Variants in BCL2L11 observed in about 807,000 individuals in gnomAD.
BCL2L11 encodes the protein bcl-2-like protein 11.
A neutral mutation model predicts 20.6 loss-of-function variants in BCL2L11; 15 were observed. The observed-to-expected ratio is 0.73, with a 90% CI of 0.49 to 1.12. BCL2L11 has a LOEUF of 1.12. Ranked by LOEUF, BCL2L11 falls within the 50% of genes most tolerant of loss-of-function variation. The probability of loss-of-function intolerance (pLI) is 0.00; values close to 1 mark genes in which losing one functional copy is unlikely to be tolerated. For synonymous variants in BCL2L11, 108 were observed against 92.8 expected (o/e 1.16, Z -0.94); for missense variants, 292 against 260.9 (o/e 1.12, Z -0.82).
intron 3 of BCL2L11, among the ~76,000 whole-genome samples, chr2:111,160,520 G>A (rs996342904): frequency 6.6e-6 from 1 of 152,168 alleles, no homozygotes; most frequent in Admixed American, 6.5e-5. Context: ...GAATGTTGAA[G>A]GAGTCATCTT....
At position 111,123,791 on chromosome 2, in the gene BCL2L11, G is replaced by A. The variant is rs1014619723; in HGVS notation, c.46G>A (p.Gly16Ser). ...SDVSSECDRE[G>S]RQLQPAERPP... ...TGTAAGTTCTGAGTGTGACCGAGAA[G>A]GTAGACAATTGCAGCCTGCGGAGAG... is the stretch of plus-strand genomic sequence containing the variant. Residue 16 changes from glycine to serine, a missense_variant, in exon 2 of 4, where the codon GGT (glycine) becomes AGT (serine). Physicochemically the swap from Gly to Ser is moderately conservative, Grantham distance 56. Transcript: ENST00000393256. 1.4e-6 allele frequency: 2 copies of A among 1,457,770 alleles called. No homozygotes were observed. The highest frequency in any genetic ancestry group is 2.5e-5 in the Admixed American group (1 of 39,624). The allele number at this position is 1,457,770 out of a possible 1,614,324, so 90.3% of individuals were successfully genotyped here. A position where few individuals can be genotyped will look rare whatever the true frequency, so the allele number is the denominator to read the frequency against.
intron 3 of BCL2L11, among the ~76,000 whole-genome samples, chr2:111,158,300 G>A (rs901341633): frequency 2.6e-5 from 4 of 152,088 alleles, no homozygotes; most frequent in Non-Finnish European, 1.5e-5. Flanking sequence ...CAGAATCAGG[G>A]GGGTGACTCC....
chr2:111,122,747 G>A (rs1317766728), intron 1 of BCL2L11: 62 of 985,134 alleles, frequency 6.3e-5, no homozygotes, highest in Non-Finnish European at 7.0e-5. Context: ...GCGGGCTGGC[G>A]GGAAGGCGCG....
intron 2 of BCL2L11, among the ~76,000 whole-genome samples, chr2:111,147,346 T>TCTCTCTCACA (rs760779894): frequency 1.4e-3 from 193 of 137,406 alleles, no homozygotes; most frequent in African/African-American, 3.7e-3. Context: ...TCTCTCTCTC[T>TCTCTCTCACA]CACACACACA....
chr2:111,134,343 TC>T lies in BCL2L11; in HGVS notation c.394+10206del, dbSNP rs1177332572. Among the ~76,000 whole-genome samples the T allele has an allele frequency of 1.3e-5, 2 of 152,316 alleles. 1 individual carries two copies. Among genetic ancestry groups the T allele is most frequent in the East Asian group, 3.9e-4 (2 of 5,182 alleles). On this transcript the variant is annotated intron_variant, in intron 2 of 3. Coordinates refer to ENST00000393256, the MANE Select transcript of BCL2L11 (RefSeq NM_138621.5). ...TCTGTATCATTTTCTTAGTGGTTGT[TC>T]CAGGTATTACAGTATGTGTGTGAAA...
intron 2 of BCL2L11, among the ~76,000 whole-genome samples, chr2:111,133,064 C>T (rs1225491662): frequency 6.6e-6 from 1 of 152,112 alleles, no homozygotes. Context: ...AAAACAGATT[C>T]TTAACTGAAC....
chr2:111,162,157 G>T (rs903719630), intron 3 of BCL2L11, among the ~76,000 whole-genome samples: 14 of 152,194 alleles, frequency 9.2e-5, no homozygotes, highest in Non-Finnish European at 7.3e-5. Flanking sequence ...AGCTCCAGCC[G>T]GCCGTGCCAG....
chr2:111,154,417 G>T (rs2077596717), intron 3 of BCL2L11, among the ~76,000 whole-genome samples: 1 of 151,250 alleles, frequency 6.6e-6, no homozygotes, highest in South Asian at 2.1e-4. Context: ...ATAATGCATT[G>T]AATTCACGTG....
intron 2 of BCL2L11, among the ~76,000 whole-genome samples, chr2:111,135,834 C>T (rs2074775297): frequency 1.3e-5 from 2 of 152,146 alleles, no homozygotes. Context: ...AGGCTTAGCT[C>T]ACTGCTCACT....
intron 2 of BCL2L11, among the ~76,000 whole-genome samples, chr2:111,137,815 T>C (rs1413834240): frequency 1.3e-5 from 2 of 151,890 alleles, no homozygotes; most frequent in Non-Finnish European, 2.9e-5. Context: ...AAAAGAATAA[T>C]GGCATAGGGG....
At chr2:111,142,475 G>T (rs1270475059) in intron 2 of BCL2L11, 16 of 1,049,682 alleles carry the variant, frequency 1.5e-5, no homozygotes, top group Non-Finnish European at 2.2e-5. Flanking sequence ...CTTTCATTAT[G>T]TCTTAGCCCT....
At chr2:111,122,680 C>T in intron 1 of BCL2L11, 9 of 982,816 alleles carry the variant, frequency 9.2e-6, no homozygotes, top group Non-Finnish European at 1.1e-5. Flanking sequence ...GCGGCCGGGG[C>T]AGCGCGGGCC....
rs764105951 is a variant in BCL2L11 at position 111,123,975 on chromosome 2, C to A, written c.230C>A (p.Ser77Tyr). 6.2e-7 allele frequency: 1 copy of A among 1,614,232 alleles called. No homozygotes were observed. The highest frequency in any genetic ancestry group is 8.5e-7 in the Non-Finnish European group (1 of 1,180,042). The part of the protein sequence containing the change: ...PASPGPFATR[S>Y]PLFIFMRRSS... ...AGCCCTGGCCCTTTTGCTACCAGAT[C>A]CCCGCTTTTCATCTTTATGAGAAGA... The change falls in exon 2 of 4, where the codon TCC (serine) becomes TAC (tyrosine). Residue 77 changes from serine to tyrosine, a missense_variant. Coordinates refer to ENST00000393256, the MANE Select transcript of BCL2L11 (RefSeq NM_138621.5).
chr2:111,132,766 G>C (rs1322306514), intron 2 of BCL2L11, among the ~76,000 whole-genome samples: 2 of 152,198 alleles, frequency 1.3e-5, no homozygotes, highest in Admixed American at 1.3e-4. Context: ...AGTATCTTGA[G>C]GTTCCTGGGC....
At chr2:111,159,255 C>G (rs2150572981) in intron 3 of BCL2L11, among the ~76,000 whole-genome samples, 1 of 152,322 alleles carries the variant, frequency 6.6e-6, no homozygotes, top group South Asian at 2.1e-4. Context: ...CCAAGAGTAC[C>G]CATCCTGTCC....
chr2:111,122,583 G>A (rs2071320914), intron 1 of BCL2L11: 1 of 983,312 alleles, frequency 1.0e-6, no homozygotes, highest in East Asian at 1.1e-4. Context: ...CGGCGCCAGC[G>A]GCGCGGGGAG....
At chr2:111,143,895 C>G (rs1448952297) in intron 2 of BCL2L11, among the ~76,000 whole-genome samples, 1 of 152,096 alleles carries the variant, frequency 6.6e-6, no homozygotes, top group African/African-American at 2.4e-5. Context: ...TGTCTTTAGA[C>G]TTGTATTTTT....
intron 2 of BCL2L11, chr2:111,128,829 ATGTATT>A: frequency 6.9e-7 from 1 of 1,452,326 alleles, no homozygotes; most frequent in South Asian, 1.4e-5. Context: ...ATTAAATAAA[ATGTATT>A]TTAATATTGA....
chr2:111,136,673 G>C (rs1002338474), intron 2 of BCL2L11, among the ~76,000 whole-genome samples: 1 of 152,154 alleles, frequency 6.6e-6, no homozygotes, highest in Non-Finnish European at 1.5e-5. Flanking sequence ...CTGTGTCCTC[G>C]AGTGATAGAA....
Sources: gnomAD v4.1 joint callset for allele counts (sites outside exome capture counted in the v4.1 genomes callset) on GRCh38, gnomAD v4.1.1 for gene constraint, MANE v1.5 for transcripts, NCBI Gene and HGNC (gene_info 2026-07-23, HGNC 2026-07-21) for gene names.